NRG3: variants seen among roughly 807,000 people sequenced by gnomAD.
NRG3 encodes neuregulin 3.
A neutral mutation model predicts 66.9 loss-of-function variants in NRG3; 31 were observed. The observed-to-expected ratio is 0.46, with a 90% CI of 0.35 to 0.63. The LOEUF (loss-of-function observed/expected upper bound fraction) is 0.63. Among genes scored for constraint, NRG3 ranks in the 20% least tolerant of loss-of-function variants. NRG3 has a pLI of 0.00. For synonymous variants in NRG3, 393 were observed against 359.4 expected, an observed-to-expected ratio of 1.09 and a Z score of -1.06; for missense variants, 910 against 878.9, an observed-to-expected ratio of 1.04 and a Z score of -0.45.
At chr10:82,527,105 G>A (rs187765308) in intron 2 of NRG3, among the ~76,000 whole-genome samples, 1 of 151,778 alleles carries the variant, frequency 6.6e-6, no homozygotes, top group East Asian at 1.9e-4. Context: ...ATTTATAATA[G>A]CTACAAACTG....
intron 1 of NRG3, among the ~76,000 whole-genome samples, chr10:82,022,870 A>T (rs559532845): frequency 6.6e-6 from 1 of 151,602 alleles, no homozygotes; most frequent in South Asian, 2.1e-4. Flanking sequence ...AACTTTATAC[A>T]TATATCTATT....
At chr10:82,243,642 A>G (rs1010761838) in intron 1 of NRG3, among the ~76,000 whole-genome samples, 4 of 152,200 alleles carry the variant, frequency 2.6e-5, no homozygotes, top group South Asian at 2.1e-4. Flanking sequence ...GAAAATAACT[A>G]TCTTTCGGTC....
At chr10:82,969,296 T>C (rs1851514613) in intron 6 of NRG3, among the ~76,000 whole-genome samples, 1 of 152,244 alleles carries the variant, frequency 6.6e-6, no homozygotes, top group Non-Finnish European at 1.5e-5. Context: ...TTTATATCCC[T>C]CATATGTCTT....
At chr10:82,117,345 G>A (rs2067790631) in intron 1 of NRG3, among the ~76,000 whole-genome samples, 1 of 152,066 alleles carries the variant, frequency 6.6e-6, no homozygotes, top group African/African-American at 2.4e-5. Context: ...CTGATAACTA[G>A]CAGCTCTCTA....
chr10:82,243,885 A>G (rs1424550184), intron 1 of NRG3, among the ~76,000 whole-genome samples: 1 of 152,200 alleles, frequency 6.6e-6, no homozygotes, highest in African/African-American at 2.4e-5. Context: ...GGATTTAGTG[A>G]TATTTTCAAG....
intron 1 of NRG3, among the ~76,000 whole-genome samples, chr10:81,903,144 T>C (rs563050970): frequency 1.3e-5 from 2 of 152,316 alleles, no homozygotes; most frequent in South Asian, 2.1e-4. Context: ...TCTTCACTTA[T>C]ACTCTAAAAT....
At chr10:82,191,754 G>T (rs563961987) in intron 1 of NRG3, among the ~76,000 whole-genome samples, 2 of 152,126 alleles carry the variant, frequency 1.3e-5, no homozygotes, top group South Asian at 2.1e-4. Context: ...GGCTTAGCAT[G>T]CATGCTTTCT....
intron 3 of NRG3, among the ~76,000 whole-genome samples, chr10:82,812,645 C>T (rs2061537827): frequency 6.6e-6 from 1 of 152,144 alleles, no homozygotes; most frequent in African/African-American, 2.4e-5. Context: ...AAAGCACACT[C>T]AGGATGCAAA....
chr10:81,899,071 T>A, intron 1 of NRG3, among the ~76,000 whole-genome samples: 1 of 152,246 alleles, frequency 6.6e-6, no homozygotes, highest in African/African-American at 2.4e-5. Flanking sequence ...AGAACACATA[T>A]TGAAATAGTA....
At position 82,140,172 on chromosome 10, in the gene NRG3, T is replaced by C. The variant is rs187991924; in HGVS notation, c.824-218567T>C. On this transcript the variant is annotated intron_variant, in intron 1 of 8. Coordinates refer to ENST00000372141, the MANE Select transcript of NRG3 (RefSeq NM_001010848.4). ...TTAATAGTCAATGCTCTATTTTTTC[T>C]ATGAAAATTCAACTTCCTAGTCGAC... 3.9e-5 allele frequency among the ~76,000 whole-genome samples: 6 copies of C among 152,324 alleles called. No individual in the cohort carries two copies. The East Asian group carries it at 1.2e-3, about 29-fold the overall frequency.
chr10:82,375,064 A>G (rs1185543646), intron 2 of NRG3, among the ~76,000 whole-genome samples: 1 of 152,148 alleles, frequency 6.6e-6, no homozygotes, highest in African/African-American at 2.4e-5. Context: ...TTTGCTATTC[A>G]CAGGTTTAGC....
chr10:82,445,987 C>G (rs1340689569), intron 2 of NRG3, among the ~76,000 whole-genome samples: 1 of 152,192 alleles, frequency 6.6e-6, no homozygotes, highest in Non-Finnish European at 1.5e-5. Flanking sequence ...GGATTAATAT[C>G]CTTTCTCAAA....
chr10:81,906,687 T>G (rs1441145979), intron 1 of NRG3, among the ~76,000 whole-genome samples: 2 of 151,926 alleles, frequency 1.3e-5, no homozygotes, highest in African/African-American at 4.8e-5. Context: ...CTGTGAGAGA[T>G]GGGAAAAAAT....
intron 2 of NRG3, among the ~76,000 whole-genome samples, chr10:82,375,229 C>T (rs77312963): frequency 1.4e-3 from 215 of 152,224 alleles, no homozygotes; most frequent in African/African-American, 4.6e-3. Context: ...ATAACTCACC[C>T]GAGGCTTTAA....
At position 82,738,611 on chromosome 10, in the gene NRG3, C is replaced by G. The variant is rs746137971; in HGVS notation, c.988C>G (p.Gln330Glu). 148 of 1,614,134 alleles carry G rather than the reference C, an allele frequency of 9.2e-5. No individual in the cohort carries two copies. The highest frequency in any genetic ancestry group is 1.2e-4 in the Non-Finnish European group (144 of 1,179,988). Residue 330 changes from glutamine to glutamate, a missense_variant, in exon 3 of 9, where the codon CAA becomes GAA. Physicochemically the swap from Gln to Glu is conservative, Grantham distance 29. Coordinates refer to ENST00000372141, the MANE Select transcript of NRG3 (RefSeq NM_001010848.4). ...KEGYQGVRCD[Q>E]FLPKTDSILS... The stretch of plus-strand genomic sequence containing the variant: ...AGGCTACCAAGGAGTCCGTTGTGAT[C>G]AATTTCTGCCGAAAACTGATTCCAT...
intron 2 of NRG3, among the ~76,000 whole-genome samples, chr10:82,594,848 G>A (rs1281320945): frequency 1.3e-5 from 2 of 150,860 alleles, no homozygotes; most frequent in Admixed American, 6.6e-5. Context: ...TAAATAAGGT[G>A]CCTTTGGACC....
intron 2 of NRG3, among the ~76,000 whole-genome samples, chr10:82,631,870 G>C (rs2049864290): frequency 6.6e-6 from 1 of 152,084 alleles, no homozygotes; most frequent in Non-Finnish European, 1.5e-5. Flanking sequence ...AAGAGGCCGA[G>C]GCAGGCAGAT....
At chr10:82,295,413 T>C (rs940700344) in intron 1 of NRG3, among the ~76,000 whole-genome samples, 1 of 152,274 alleles carries the variant, frequency 6.6e-6, no homozygotes, top group East Asian at 1.9e-4. Flanking sequence ...TCTCTAACAG[T>C]ATGACCTCGG....
intron 2 of NRG3, among the ~76,000 whole-genome samples, chr10:82,413,979 A>G (rs2136180159): frequency 6.6e-6 from 1 of 152,202 alleles, no homozygotes; most frequent in Admixed American, 6.5e-5. Flanking sequence ...AACTTTCTCC[A>G]TATTAGCAAT....
Sources: allele counts gnomAD v4.1 joint callset (sites outside exome capture counted in the v4.1 genomes callset), GRCh38; gene constraint gnomAD v4.1.1; transcripts MANE v1.5; gene names NCBI Gene and HGNC (gene_info 2026-07-23, HGNC 2026-07-21).